The following ARRB1 variants were observed in gnomAD, a reference collection of about 807,000 sequenced individuals.
The protein encoded by ARRB1 is beta-arrestin-1.
A neutral mutation model predicts 56.8 loss-of-function variants in ARRB1; 21 were observed. That is an observed-to-expected ratio of 0.37 (90% CI 0.26 to 0.53). The LOEUF is 0.53. Among genes scored for constraint, ARRB1 ranks in the 20% least tolerant of loss-of-function variants. The pLI is 0.88. For missense variants in ARRB1, 424 were observed against 553.7 expected, an observed-to-expected ratio of 0.77 and a Z score of 2.35; for synonymous variants, 210 against 218.6, an observed-to-expected ratio of 0.96 and a Z score of 0.35.
chr11:75,312,278 C>T (rs1427299784), intron 1 of ARRB1: 14 of 645,926 alleles, frequency 2.2e-5, no homozygotes, highest in Admixed American at 1.8e-4. Context: ...GGAGAAGAGG[C>T]GTCAGGGACA....
At chr11:75,267,551 A>C (rs1945953591) in intron 15 of ARRB1, 101 bp downstream of exon 15, 1 of 1,232,172 alleles carries the variant, frequency 8.1e-7, no homozygotes, top group Non-Finnish European at 1.2e-6. Context: ...GGGTTAGACC[A>C]GCGGCTCCTC....
chr11:75,336,378 T>A (rs1222287873), intron 1 of ARRB1, among the ~76,000 whole-genome samples: 1 of 151,988 alleles, frequency 6.6e-6, no homozygotes, highest in Non-Finnish European at 1.5e-5. Context: ...GCCCCACCCC[T>A]ACCTCCCACT....
intron 1 of ARRB1, among the ~76,000 whole-genome samples, chr11:75,327,197 G>A (rs1374661638): frequency 8.0e-5 from 12 of 149,958 alleles, no homozygotes; most frequent in Non-Finnish European, 1.5e-4. Flanking sequence ...AGCTACTCGG[G>A]AGGCTGAGGC....
intron 1 of ARRB1, among the ~76,000 whole-genome samples, chr11:75,316,442 G>A (rs893667934): frequency 5.3e-5 from 8 of 152,170 alleles, no homozygotes; most frequent in African/African-American, 1.9e-4. Context: ...CCCCAGCAGA[G>A]TGAGCCTAGG....
At chr11:75,272,253 A>G (rs1946088628) in intron 12 of ARRB1, among the ~76,000 whole-genome samples, 1 of 152,246 alleles carries the variant, frequency 6.6e-6, no homozygotes, top group Non-Finnish European at 1.5e-5. Flanking sequence ...ATAGAAATTT[A>G]TGAATTAAGT....
At chr11:75,306,414 G>T in intron 1 of ARRB1, 2 of 469,142 alleles carry the variant, frequency 4.3e-6, no homozygotes, top group Non-Finnish European at 8.2e-6. Context: ...TCCTCCCTGT[G>T]TTCTCCATCC....
At chr11:75,303,575 C>T (rs1488644342) in intron 1 of ARRB1, 1 of 456,046 alleles carries the variant, frequency 2.2e-6, no homozygotes, top group Non-Finnish European at 4.4e-6. Flanking sequence ...TTTTTCAAAT[C>T]TCTGGGCCTG....
chr11:75,299,850 T>C (rs1946854506), intron 1 of ARRB1, among the ~76,000 whole-genome samples: 1 of 152,106 alleles, frequency 6.6e-6, no homozygotes, highest in Admixed American at 6.5e-5. Flanking sequence ...AAATATAGGA[T>C]GACTATGGTT....
intron 3 of ARRB1, among the ~76,000 whole-genome samples, chr11:75,284,697 A>T (rs1465313768): frequency 2.6e-5 from 4 of 152,146 alleles, no homozygotes; most frequent in Non-Finnish European, 5.9e-5. Flanking sequence ...TGAGGCCAAG[A>T]GTTCAAGACC....
chr11:75,304,146 G>C (rs992616956), intron 1 of ARRB1, among the ~76,000 whole-genome samples: 5 of 152,152 alleles, frequency 3.3e-5, no homozygotes, highest in African/African-American at 4.8e-5. Flanking sequence ...TTTAAAGGGG[G>C]TTTTTGTTTG....
intron 1 of ARRB1, among the ~76,000 whole-genome samples, chr11:75,332,230 A>G (rs1177497892): frequency 6.6e-6 from 1 of 152,198 alleles, no homozygotes; most frequent in Non-Finnish European, 1.5e-5. Flanking sequence ...TGGTCTCTTC[A>G]CAGGGATGTG....
intron 1 of ARRB1, among the ~76,000 whole-genome samples, chr11:75,341,986 G>C (rs1287879249): frequency 2.6e-5 from 4 of 152,262 alleles, no homozygotes; most frequent in African/African-American, 9.6e-5. Context: ...CCCTCCTAAC[G>C]AGAGAAGGAA....
chr11:75,339,237 G>C (rs1297733162), intron 1 of ARRB1, among the ~76,000 whole-genome samples: 1 of 152,238 alleles, frequency 6.6e-6, no homozygotes, highest in East Asian at 1.9e-4. Context: ...GGGCTAGAGG[G>C]AAGCTTTCCT....
At chr11:75,339,417 G>C (rs1219979060) in intron 1 of ARRB1, among the ~76,000 whole-genome samples, 1 of 152,188 alleles carries the variant, frequency 6.6e-6, no homozygotes, top group Non-Finnish European at 1.5e-5. Flanking sequence ...CAAGCAGTCT[G>C]CATTCCCAAG....
chr11:75,315,619 C>G (rs1467227321), intron 1 of ARRB1, among the ~76,000 whole-genome samples: 1 of 152,148 alleles, frequency 6.6e-6, no homozygotes, highest in Non-Finnish European at 1.5e-5. Flanking sequence ...CAGTGTCTCA[C>G]CTGACCACGT....
intron 2 of ARRB1, 84 bp downstream of exon 2, chr11:75,289,925 A>G: frequency 6.3e-7 from 1 of 1,592,390 alleles, no homozygotes; most frequent in South Asian, 1.1e-5. Flanking sequence ...ATTTCAGGGG[A>G]CATGCCGTTT....
intron 13 of ARRB1, chr11:75,270,886 G>A (rs1946061635): frequency 6.6e-6 from 1 of 152,118 alleles, no homozygotes; most frequent in Non-Finnish European, 1.5e-5. Flanking sequence ...GTTTTATAAG[G>A]CTGTCAGAGC....
chr11:75,302,419 C>A (rs750043469), intron 1 of ARRB1, among the ~76,000 whole-genome samples: 1 of 152,230 alleles, frequency 6.6e-6, no homozygotes, highest in Non-Finnish European at 1.5e-5. Flanking sequence ...TCTGTTAACC[C>A]ATGAAGCTGG....
chr11:75,334,017 C>T (rs557969605), intron 1 of ARRB1, among the ~76,000 whole-genome samples: 26 of 152,300 alleles, frequency 1.7e-4, no homozygotes, highest in East Asian at 7.7e-4. Flanking sequence ...CAGACTTCTA[C>T]TCTGCCCCAC....
Sources: gnomAD v4.1 joint callset for allele counts (sites outside exome capture counted in the v4.1 genomes callset) on GRCh38, gnomAD v4.1.1 for gene constraint, MANE v1.5 for transcripts, NCBI Gene and HGNC (gene_info 2026-07-23, HGNC 2026-07-21) for gene names.